The following NALCN variants were observed in gnomAD, a reference collection of about 807,000 sequenced individuals.
NALCN encodes the protein sodium leak channel, non-selective, also known as sodium leak channel NALCN.
NALCN carries 111 observed loss-of-function variants against 225.3 expected under a neutral mutation model. That is an observed-to-expected ratio of 0.49 (90% CI 0.42 to 0.58). The LOEUF (loss-of-function observed/expected upper bound fraction) is 0.58. Ranked by LOEUF, NALCN falls within the 20% of genes least tolerant of loss-of-function variation. The probability of loss-of-function intolerance (pLI) is 0.00; values close to 1 mark genes in which losing one functional copy is unlikely to be tolerated. For synonymous variants in NALCN, 764 were observed against 769.0 expected (o/e 0.99, Z 0.11); for missense variants, 1,378 against 2,202.4 (o/e 0.63, Z 7.49).
At chr13:101,415,228 T>TATATATATATATATATATAC (rs137895468) in intron 1 of NALCN, among the ~76,000 whole-genome samples, 5 of 129,284 alleles carry the variant, frequency 3.9e-5, no homozygotes, top group East Asian at 2.1e-4. Context: ...TATATATACA[T>TATATATATATATATATATAC]ACATATATAT....
chr13:101,281,026 G>A lies in NALCN; in HGVS notation c.1134+2907C>T, dbSNP rs139129961. On this transcript the variant is annotated intron_variant, in intron 10 of 43. Transcript: ENST00000251127. Reference sequence around the variant, plus strand: ...CTCCCAAGTAGCTGGGATTACAGGCGTGCACCACAACACCTGGGTAATATT... The same window carrying A: ...CTCCCAAGTAGCTGGGATTACAGGCATGCACCACAACACCTGGGTAATATT... Among the ~76,000 whole-genome samples the A allele has an allele frequency of 1.2e-4, 19 of 152,032 alleles. No homozygotes were observed. In the East Asian group the frequency reaches 2.3e-3, roughly 19 times the overall value.
intron 14 of NALCN, among the ~76,000 whole-genome samples, chr13:101,191,182 G>A (rs949659501): frequency 1.3e-5 from 2 of 152,146 alleles, no homozygotes; most frequent in South Asian, 4.1e-4. Context: ...CTTCTAACGT[G>A]ATGTTAGAAC....
intron 7 of NALCN, among the ~76,000 whole-genome samples, chr13:101,314,522 G>A (rs1760238): frequency 0.42 from 63,963 of 151,900 alleles, 13,775 homozygotes; most frequent in Middle Eastern, 0.47. Context: ...GAATAGTTCA[G>A]TCACTGTGAA....
chr13:101,138,530 G>A (rs897751919), intron 17 of NALCN, among the ~76,000 whole-genome samples: 1 of 152,220 alleles, frequency 6.6e-6, no homozygotes, highest in Non-Finnish European at 1.5e-5. Context: ...GGGGCACGAG[G>A]TGGAGGTGCT....
chr13:101,310,534 G>A (rs138254496), intron 7 of NALCN, among the ~76,000 whole-genome samples: 1 of 152,110 alleles, frequency 6.6e-6, no homozygotes, highest in African/African-American at 2.4e-5. Flanking sequence ...ATCTGAAACT[G>A]CAATTCCTGC....
intron 6 of NALCN, among the ~76,000 whole-genome samples, chr13:101,370,965 G>C (rs769136058): frequency 6.6e-6 from 1 of 152,172 alleles, no homozygotes; most frequent in Non-Finnish European, 1.5e-5. Flanking sequence ...TTAAAGATAA[G>C]TTTGCATTTT....
chr13:101,312,267 CT>C (rs2044374830), intron 7 of NALCN, among the ~76,000 whole-genome samples: 1 of 151,976 alleles, frequency 6.6e-6, no homozygotes, highest in East Asian at 1.9e-4. Context: ...CTTTATTAGT[CT>C]TGTTAGAGGT....
At chr13:101,222,785 G>A (rs1055168151) in intron 13 of NALCN, among the ~76,000 whole-genome samples, 10 of 152,122 alleles carry the variant, frequency 6.6e-5, no homozygotes, top group Admixed American at 3.9e-4. Context: ...TGGAGGGAGC[G>A]GGGCTATCTC....
At chr13:101,286,874 C>T (rs2043358078) in intron 9 of NALCN, among the ~76,000 whole-genome samples, 1 of 151,440 alleles carries the variant, frequency 6.6e-6, no homozygotes, top group African/African-American at 2.4e-5. Flanking sequence ...TACACACACA[C>T]ACACACACAC....
chr13:101,142,852 C>T lies in NALCN; in HGVS notation c.2118+228G>A, dbSNP rs138350092. On this transcript the variant is annotated intron_variant, in intron 17 of 43. Coordinates refer to ENST00000251127, the MANE Select transcript of NALCN (RefSeq NM_052867.4). The stretch of plus-strand genomic sequence containing the variant: ...GGGAGGCTCTTGATGTTTACAAAGT[C>T]GCATGGCTGCCACGTGGCGCAGCTC... 279 of 510,302 alleles carry T rather than the reference C, an allele frequency of 5.5e-4. 1 individual carries two copies. The East Asian group carries it at 8.2e-3, about 15-fold the overall frequency. The allele number at this position is 510,302 out of a possible 1,614,324, so 31.6% of individuals were successfully genotyped here.
chr13:101,414,922 C>T (rs1311161314), intron 1 of NALCN, among the ~76,000 whole-genome samples: 1 of 151,446 alleles, frequency 6.6e-6, no homozygotes, highest in Non-Finnish European at 1.5e-5. Context: ...TGTCTTCACA[C>T]TGTCTGGTTT....
At chr13:101,163,038 A>G (rs567937158) in intron 15 of NALCN, among the ~76,000 whole-genome samples, 1 of 152,072 alleles carries the variant, frequency 6.6e-6, no homozygotes, top group East Asian at 1.9e-4. Flanking sequence ...AGTAGCTAGG[A>G]CTACAGGCGC....
intron 11 of NALCN, among the ~76,000 whole-genome samples, chr13:101,244,847 C>T (rs1355151108): frequency 6.6e-6 from 1 of 152,194 alleles, no homozygotes; most frequent in Non-Finnish European, 1.5e-5. Flanking sequence ...TGGAGGCAAG[C>T]TCTAGTAACC....
intron 2 of NALCN, among the ~76,000 whole-genome samples, chr13:101,397,164 T>C (rs2047333355): frequency 6.8e-6 from 1 of 147,554 alleles, no homozygotes; most frequent in Non-Finnish European, 1.5e-5. Flanking sequence ...GTTATATGTA[T>C]GTATATATTA....
intron 6 of NALCN, among the ~76,000 whole-genome samples, chr13:101,351,217 T>C (rs767922577): frequency 3.3e-5 from 5 of 152,176 alleles, no homozygotes; most frequent in Non-Finnish European, 7.3e-5. Context: ...TCCTGTTGTT[T>C]TATGCACTTT....
At chr13:101,296,281 C>T (rs2043752052) in intron 7 of NALCN, among the ~76,000 whole-genome samples, 1 of 152,208 alleles carries the variant, frequency 6.6e-6, no homozygotes, top group Admixed American at 6.5e-5. Flanking sequence ...ATAAATTAAA[C>T]AATGATTTTG....
chr13:101,210,084 C>T (rs1449937848), intron 13 of NALCN, among the ~76,000 whole-genome samples: 1 of 152,158 alleles, frequency 6.6e-6, no homozygotes, highest in Non-Finnish European at 1.5e-5. Flanking sequence ...GCATCTGGTC[C>T]CACCTGCTCT....
Position 101,395,381 on chromosome 13 carries a change from A to G in NALCN, c.109-16T>C, listed in dbSNP as rs2047261458. On this transcript the variant is annotated splice_polypyrimidine_tract_variant and intron_variant, in intron 2 of 43. Transcript: ENST00000251127. ...AGTGAACCCACTGCAATGATGGTCCAGAGTTACTACACGGCACCATAACTG... is the reference window on the plus strand; with the variant it reads ...AGTGAACCCACTGCAATGATGGTCCGGAGTTACTACACGGCACCATAACTG... 6.2e-7 allele frequency: 1 copy of G among 1,611,356 alleles called. No homozygotes were observed. Among genetic ancestry groups the G allele is most frequent in the Non-Finnish European group, 8.5e-7 (1 of 1,178,632 alleles).
intron 26 of NALCN, among the ~76,000 whole-genome samples, chr13:101,102,844 C>T (rs771873104): frequency 6.6e-6 from 1 of 152,174 alleles, no homozygotes; most frequent in Non-Finnish European, 1.5e-5. Context: ...AGTGTTGAAT[C>T]TTCTTATCCT....
Sources: allele counts gnomAD v4.1 joint callset (sites outside exome capture counted in the v4.1 genomes callset), GRCh38; gene constraint gnomAD v4.1.1; transcripts MANE v1.5; gene names NCBI Gene and HGNC (gene_info 2026-07-23, HGNC 2026-07-21).